Variants in CHLSN observed in about 807,000 individuals in gnomAD.
CHLSN encodes cholesin.
At chr7:984,366 T>C in the CHLSN span, 834,960 of 1,533,742 alleles carry the variant, frequency 0.54, 233,072 homozygotes, top group African/African-American at 0.87. Context: ...CTAAGGGGGG[T>C]CTTGTGGGTG....
the CHLSN span, among the ~76,000 whole-genome samples, chr7:1,134,866 G>T: frequency 8.1e-4 from 123 of 151,834 alleles, 1 homozygote; most frequent in East Asian, 0.022. Flanking sequence ...TACAGAGTGA[G>T]ACTCCTTCTC....
chr7:1,057,905 G>A, the CHLSN span: 1 of 776,082 alleles, frequency 1.3e-6, no homozygotes, highest in East Asian at 2.4e-5. Flanking sequence ...ACTACATCGA[G>A]CGTGCACTGC....
At chr7:1,035,531 A>G in the CHLSN span, among the ~76,000 whole-genome samples, 2 of 152,358 alleles carry the variant, frequency 1.3e-5, no homozygotes, top group East Asian at 3.9e-4. Context: ...GCAAATAAGC[A>G]TGGGGCCAGA....
the CHLSN span, chr7:986,988 A>G: frequency 9.2e-5 from 127 of 1,379,000 alleles, no homozygotes; most frequent in African/African-American, 1.7e-3. Context: ...GGGGACGCTG[A>G]GGGATGGCTG....
the CHLSN span, among the ~76,000 whole-genome samples, chr7:1,010,630 G>C: frequency 6.6e-6 from 1 of 152,204 alleles, no homozygotes; most frequent in Non-Finnish European, 1.5e-5. Flanking sequence ...CTCCCCCTGG[G>C]CTGCAGGCTG....
At chr7:1,015,668 G>A in the CHLSN span, among the ~76,000 whole-genome samples, 1 of 152,194 alleles carries the variant, frequency 6.6e-6, no homozygotes, top group African/African-American at 2.4e-5. Context: ...AACCCAGAGG[G>A]TTGGTGGGCG....
the CHLSN span, chr7:986,589 C>T: frequency 6.2e-6 from 10 of 1,609,052 alleles, no homozygotes; most frequent in Admixed American, 1.7e-5. Context: ...CCTGGGGCTG[C>T]GTCCTTATCT....
the CHLSN span, chr7:1,127,284 T>C: frequency 6.2e-7 from 1 of 1,602,946 alleles, no homozygotes; most frequent in Non-Finnish European, 8.5e-7. Context: ...CGCCACTTGG[T>C]GCAGCCTCAG....
chr7:984,843 C>A, the CHLSN span: 1 of 1,428,846 alleles, frequency 7.0e-7, no homozygotes, highest in Non-Finnish European at 9.4e-7. Flanking sequence ...GGGTGAGGGC[C>A]CAGCCAGTCT....
the CHLSN span, chr7:997,173 AGGGGACCAGGAATGCGGCCCACGCAG>A: frequency 6.4e-6 from 1 of 155,386 alleles, no homozygotes; most frequent in Non-Finnish European, 1.4e-5. Context: ...GGACGCAGGC[AGGGGACCAGGAATGCGGCCCACGCAG>A]GGGGATCGGG....
At chr7:991,518 G>A in the CHLSN span, among the ~76,000 whole-genome samples, 3 of 152,160 alleles carry the variant, frequency 2.0e-5, no homozygotes, top group South Asian at 2.1e-4. Flanking sequence ...CCCGAACCCC[G>A]GAGGTGCCAC....
chr7:989,438 G>A, the CHLSN span: 1,399 of 153,456 alleles, frequency 9.1e-3, 9 homozygotes, highest in South Asian at 0.029. Context: ...CCTTGGGGCG[G>A]GGGGAGGGCA....
At chr7:983,271 C>G in the CHLSN span, 8 of 1,543,648 alleles carry the variant, frequency 5.2e-6, no homozygotes, top group Non-Finnish European at 5.2e-6. Flanking sequence ...TGCTCTGCGC[C>G]TGCGCCCAAG....
the CHLSN span, among the ~76,000 whole-genome samples, chr7:1,130,982 G>A: frequency 6.6e-6 from 1 of 152,194 alleles, no homozygotes; most frequent in East Asian, 1.9e-4. Context: ...GAGCCCAGGA[G>A]TTTGAGACCA....
chr7:1,065,349 C>A, the CHLSN span, among the ~76,000 whole-genome samples: 4 of 152,254 alleles, frequency 2.6e-5, no homozygotes, highest in African/African-American at 9.6e-5. Context: ...GAAGTCCACA[C>A]AAGCACCTGT....
At chr7:1,003,991 G>A in the CHLSN span, among the ~76,000 whole-genome samples, 1 of 139,306 alleles carries the variant, frequency 7.2e-6, no homozygotes, top group Non-Finnish European at 1.6e-5. Flanking sequence ...TCCTGTGGGT[G>A]GGGAGTCCTG....
At chr7:1,102,525 A>T in the CHLSN span, among the ~76,000 whole-genome samples, 19 of 152,178 alleles carry the variant, frequency 1.2e-4, no homozygotes, top group Non-Finnish European at 4.4e-5. Flanking sequence ...TCTTTGGTAA[A>T]ACCAAAGGAG....
At chr7:983,171 G>A in the CHLSN span, 121 of 1,434,754 alleles carry the variant, frequency 8.4e-5, no homozygotes, top group Middle Eastern at 2.5e-4. Context: ...CGGGGGGGAC[G>A]GGGCCCAGGA....
At chr7:1,090,580 G>A in the CHLSN span, among the ~76,000 whole-genome samples, 4 of 148,714 alleles carry the variant, frequency 2.7e-5, no homozygotes, top group Admixed American at 1.3e-4. Context: ...CGGGGCGGGT[G>A]ACGGGACCTC....
Sources: gnomAD v4.1 joint callset for allele counts (sites outside exome capture counted in the v4.1 genomes callset) on GRCh38, gnomAD v4.1.1 for gene constraint, MANE v1.5 for transcripts, NCBI Gene and HGNC (gene_info 2026-07-23, HGNC 2026-07-21) for gene names.